Variants in DAPK2 observed in about 807,000 individuals in gnomAD.
The protein encoded by DAPK2 is death-associated protein kinase 2.
A neutral mutation model predicts 44.1 loss-of-function variants in DAPK2; 35 were observed. The ratio of observed to expected loss-of-function variants is 0.79; its 90% confidence interval spans 0.61 to 1.05. The LOEUF (loss-of-function observed/expected upper bound fraction) is 1.05. DAPK2 is among the 50% of genes least tolerant of loss of function. The pLI is 0.00. For missense variants in DAPK2, 453 were observed against 483.2 expected (o/e 0.94, Z 0.59); for synonymous variants, 174 against 182.6 (o/e 0.95, Z 0.38).
chr15:63,941,278 A>G (rs1008054457), intron 3 of DAPK2, among the ~76,000 whole-genome samples: 13 of 151,860 alleles, frequency 8.6e-5, no homozygotes, highest in African/African-American at 3.1e-4. Flanking sequence ...CACCACCCCC[A>G]GGAGTGAGCC....
At chr15:63,935,740 T>A (rs1235184798) in intron 4 of DAPK2, 1 of 152,222 alleles carries the variant, frequency 6.6e-6, no homozygotes, top group Non-Finnish European at 1.5e-5. Context: ...TATTTCCTCC[T>A]TTTAGAATTC....
At chr15:63,911,983 G>A (rs753955444) in exon 10 of DAPK2, 15 of 1,613,958 alleles carry the variant, frequency 9.3e-6, no homozygotes, top group African/African-American at 1.3e-5. Flanking sequence ...ACACGATGCT[G>A]AAGGAAAGCT....
At chr15:64,036,327 A>ATATG in intron 1 of DAPK2, among the ~76,000 whole-genome samples, 1 of 109,666 alleles carries the variant, frequency 9.1e-6, no homozygotes, top group Non-Finnish European at 1.8e-5. Context: ...ATGTATATAT[A>ATATG]TATATATATA....
chr15:63,942,041 G>A (rs1475870645), intron 3 of DAPK2, among the ~76,000 whole-genome samples: 2 of 152,210 alleles, frequency 1.3e-5, no homozygotes, highest in African/African-American at 2.4e-5. Flanking sequence ...CAGCCCTCCC[G>A]ACCACCATAG....
At chr15:63,970,237 C>T (rs1035794513) in intron 3 of DAPK2, among the ~76,000 whole-genome samples, 15 of 152,220 alleles carry the variant, frequency 9.9e-5, no homozygotes, top group African/African-American at 3.1e-4. Context: ...CTCCCAGACC[C>T]TTGTGTCTGC....
At chr15:63,960,837 G>A (rs1473835327) in intron 3 of DAPK2, among the ~76,000 whole-genome samples, 2 of 143,728 alleles carry the variant, frequency 1.4e-5, no homozygotes, top group Non-Finnish European at 3.1e-5. Context: ...ATTTGGGGTG[G>A]AGAGTTCTGT....
At chr15:63,963,870 AC>A (rs2077979983) in intron 3 of DAPK2, among the ~76,000 whole-genome samples, 1 of 151,752 alleles carries the variant, frequency 6.6e-6, no homozygotes, top group South Asian at 2.1e-4. Flanking sequence ...TTCTCCCCTC[AC>A]TTTTTAACTT....
intron 3 of DAPK2, among the ~76,000 whole-genome samples, chr15:63,944,900 G>A (rs74021205): frequency 0.026 from 3,995 of 152,094 alleles, 182 homozygotes; most frequent in African/African-American, 0.092. Flanking sequence ...CTATATCCCC[G>A]CAGGGTGGGC....
At chr15:63,926,942 T>A (rs946920970) in intron 6 of DAPK2, among the ~76,000 whole-genome samples, 8 of 152,180 alleles carry the variant, frequency 5.3e-5, no homozygotes, top group Non-Finnish European at 1.2e-4. Flanking sequence ...TTGAAAGTCA[T>A]CCCCATTTCC....
chr15:64,012,331 A>G (rs1238653348), intron 1 of DAPK2, among the ~76,000 whole-genome samples: 1 of 152,252 alleles, frequency 6.6e-6, no homozygotes, highest in Non-Finnish European at 1.5e-5. Flanking sequence ...AAATCGATGC[A>G]CTAACAATTC....
intron 1 of DAPK2, among the ~76,000 whole-genome samples, chr15:64,014,054 T>C (rs574651753): frequency 6.6e-6 from 1 of 152,352 alleles, no homozygotes; most frequent in African/African-American, 2.4e-5. Flanking sequence ...AGTGTTTATC[T>C]ACTTGGTTTT....
upstream of DAPK2, chr15:64,040,332 G>A (rs2080319546): frequency 7.9e-7 from 1 of 1,271,288 alleles, no homozygotes; most frequent in Admixed American, 1.7e-5. Flanking sequence ...AAGAGTCTAA[G>A]GCCTAAACGT....
At chr15:64,045,907 G>A (rs1175147979) in intron 1 of DAPK2, among the ~76,000 whole-genome samples, 1 of 152,232 alleles carries the variant, frequency 6.6e-6, no homozygotes, top group Non-Finnish European at 1.5e-5. Context: ...CTTGTGCCAG[G>A]CGGGAGCAAG....
chr15:63,981,069 G>A (rs920377915), intron 2 of DAPK2, among the ~76,000 whole-genome samples: 7 of 130,988 alleles, frequency 5.3e-5, no homozygotes, highest in Non-Finnish European at 8.2e-5. Context: ...TAGCCTAGAC[G>A]ACAGAGCGAG....
intron 1 of DAPK2, among the ~76,000 whole-genome samples, chr15:64,045,404 C>A (rs956737649): frequency 6.6e-6 from 1 of 152,178 alleles, no homozygotes; most frequent in African/African-American, 2.4e-5. Flanking sequence ...GGAATATCTT[C>A]CACAGAGGCA....
At chr15:63,909,755 T>C (rs997009572) in intron 10 of DAPK2, 2 of 151,714 alleles carry the variant, frequency 1.3e-5, no homozygotes, top group African/African-American at 4.9e-5. Context: ...CGAGCTGAGA[T>C]GGTGCCACTG....
intron 1 of DAPK2, among the ~76,000 whole-genome samples, chr15:64,024,943 G>C (rs2079796569): frequency 6.6e-6 from 1 of 152,174 alleles, no homozygotes; most frequent in Admixed American, 6.5e-5. Context: ...AGGGTTAGAA[G>C]CTGCCAGCAA....
At chr15:63,997,962 C>T (rs1207706032) in intron 1 of DAPK2, among the ~76,000 whole-genome samples, 3 of 152,252 alleles carry the variant, frequency 2.0e-5, no homozygotes, top group African/African-American at 7.2e-5. Flanking sequence ...CCCACAATGG[C>T]ATCCAGCACA....
At chr15:64,043,719 T>A (rs979570280), upstream of DAPK2, among the ~76,000 whole-genome samples, 10 of 152,330 alleles carry the variant, frequency 6.6e-5, no homozygotes, top group South Asian at 4.1e-4. Flanking sequence ...CATAATTTTT[T>A]AAAATGAGAC....
Sources: gnomAD v4.1 joint callset for allele counts (sites outside exome capture counted in the v4.1 genomes callset) on GRCh38, gnomAD v4.1.1 for gene constraint, MANE v1.5 for transcripts, NCBI Gene and HGNC (gene_info 2026-07-23, HGNC 2026-07-21) for gene names.